TMEM248: variants seen among roughly 807,000 people sequenced by gnomAD.
The protein encoded by TMEM248 is transmembrane protein 248.
TMEM248 carries 9 observed loss-of-function variants against 30.3 expected under a neutral mutation model. The observed-to-expected ratio is 0.30, with a 90% CI of 0.18 to 0.52. The LOEUF is 0.52. TMEM248 is among the 20% of genes least tolerant of loss of function. The pLI is 0.97. For missense variants in TMEM248, 338 were observed against 403.3 expected (o/e 0.84, Z 1.39); for synonymous variants, 184 against 154.4 (o/e 1.19, Z -1.42).
chr7:66,943,852 C>G (rs1045177036), intron 2 of TMEM248, among the ~76,000 whole-genome samples: 3 of 150,994 alleles, frequency 2.0e-5, no homozygotes, highest in Non-Finnish European at 2.9e-5. Context: ...GGCTGGACTT[C>G]AGTGGCGCGA....
chr7:66,950,012 G>A (rs1792219809), intron 4 of TMEM248, among the ~76,000 whole-genome samples: 1 of 152,116 alleles, frequency 6.6e-6, no homozygotes, highest in African/African-American at 2.4e-5. Flanking sequence ...ACATTACTTT[G>A]TGTTGCAGTG....
At chr7:66,951,328 A>C in intron 5 of TMEM248, 193 bp downstream of exon 5, 1 of 462,494 alleles carries the variant, frequency 2.2e-6, no homozygotes, top group Non-Finnish European at 3.6e-6. Flanking sequence ...CCCATTGGTT[A>C]AGAAAAATCT....
intron 2 of TMEM248, among the ~76,000 whole-genome samples, 185 bp from the exon 3 acceptor site, chr7:66,944,791 T>C (rs1792048664): frequency 6.6e-6 from 1 of 152,176 alleles, no homozygotes; most frequent in African/African-American, 2.4e-5. Context: ...TAAAAGTGAT[T>C]AGGAAAGCCA....
chr7:66,926,672 G>A (rs934591516), intron 1 of TMEM248, among the ~76,000 whole-genome samples: 2 of 151,600 alleles, frequency 1.3e-5, no homozygotes, highest in African/African-American at 2.4e-5. Context: ...AAGAAAAATG[G>A]ACAAAGAACC....
At chr7:66,942,797 A>G (rs1246980944) in intron 2 of TMEM248, among the ~76,000 whole-genome samples, 3 of 150,864 alleles carry the variant, frequency 2.0e-5, no homozygotes, top group Admixed American at 6.6e-5. Flanking sequence ...CATCCAGCCT[A>G]ATTCCTGTCT....
At chr7:66,923,399 C>T (rs753280558) in intron 1 of TMEM248, among the ~76,000 whole-genome samples, 1 of 152,124 alleles carries the variant, frequency 6.6e-6, no homozygotes. Flanking sequence ...ACCTTGGCCT[C>T]CCAAAGTGCT....
intron 1 of TMEM248, chr7:66,921,967 T>G (rs1230552037): frequency 6.6e-6 from 1 of 152,216 alleles, no homozygotes; most frequent in Non-Finnish European, 1.5e-5. Flanking sequence ...TTTAATAAAA[T>G]GAGGAGTGAT....
At chr7:66,928,238 A>C (rs1002513461) in intron 1 of TMEM248, among the ~76,000 whole-genome samples, 3 of 152,234 alleles carry the variant, frequency 2.0e-5, no homozygotes, top group African/African-American at 7.2e-5. Flanking sequence ...AACTAAGTTA[A>C]ACATTTTAAA....
chr7:66,942,442 G>T (rs958874007), intron 2 of TMEM248, among the ~76,000 whole-genome samples: 5 of 152,290 alleles, frequency 3.3e-5, no homozygotes, highest in Admixed American at 3.3e-4. Flanking sequence ...TTTTTTTCAT[G>T]AGATAAGAAG....
intron 3 of TMEM248, among the ~76,000 whole-genome samples, 176 bp downstream of exon 3, chr7:66,945,437 T>C (rs1792074138): frequency 6.6e-6 from 1 of 152,212 alleles, no homozygotes; most frequent in African/African-American, 2.4e-5. Flanking sequence ...CATGGTAAAG[T>C]ACCTGGCTAG....
chr7:66,927,263 C>T (rs923840776), intron 1 of TMEM248, among the ~76,000 whole-genome samples: 7 of 151,898 alleles, frequency 4.6e-5, no homozygotes, highest in African/African-American at 7.3e-5. Flanking sequence ...CATTAACAAC[C>T]GTAAGTGAGG....
Position 66,921,305 on chromosome 7 carries a change from G to T in TMEM248, c.-175G>T, listed in dbSNP as rs946486592. 17 of 148,624 alleles carry T rather than the reference G, an allele frequency of 1.1e-4. No individual in the cohort carries two copies. Among genetic ancestry groups the T allele is most frequent in the Admixed American group, 8.7e-4 (13 of 14,896 alleles). 9.2% of individuals were successfully genotyped at this position (148,624 alleles called of 1,614,324 possible). On this transcript the variant is annotated 5_prime_UTR_variant, in exon 1 of 7. Coordinates refer to ENST00000341567, the MANE Select transcript of TMEM248 (RefSeq NM_017994.5). ...GGCGTCTGGTCTTCGCGTCGGCCCC[G>T]CGGAGCCAGACGCTGCCCCCGGCGC...
intron 1 of TMEM248, among the ~76,000 whole-genome samples, chr7:66,935,106 A>C (rs1791768358): frequency 6.6e-6 from 1 of 152,132 alleles, no homozygotes; most frequent in Non-Finnish European, 1.5e-5. Context: ...CAATAAATTG[A>C]ACTCTGATTT....
At chr7:66,925,213 G>A (rs1237531377) in intron 1 of TMEM248, among the ~76,000 whole-genome samples, 1 of 152,004 alleles carries the variant, frequency 6.6e-6, no homozygotes, top group South Asian at 2.1e-4. Flanking sequence ...TAGAGGCAAG[G>A]TCTCACTCTG....
chr7:66,929,523 G>T (rs921852215), intron 1 of TMEM248, among the ~76,000 whole-genome samples: 1 of 136,930 alleles, frequency 7.3e-6, no homozygotes, highest in Non-Finnish European at 1.5e-5. Flanking sequence ...TGCAACCTCC[G>T]CCTCCCGGGT....
chr7:66,940,524 C>T (rs571585270), intron 1 of TMEM248, among the ~76,000 whole-genome samples: 1 of 152,342 alleles, frequency 6.6e-6, no homozygotes, highest in African/African-American at 2.4e-5. Flanking sequence ...AAGCGATCCA[C>T]AGATTCAGTG....
At position 66,948,569 on chromosome 7, in the gene TMEM248, C is replaced by T. The variant is rs964902704; in HGVS notation, c.471C>T (p.Asn157=). 3.1e-6 allele frequency: 5 copies of T among 1,613,916 alleles called. No homozygotes were observed. The highest frequency in any genetic ancestry group is 8.5e-7 in the Non-Finnish European group (1 of 1,179,914). The change falls in exon 4 of 7, where the codon AAC becomes AAT. Residue 157 remains asparagine (N), a synonymous_variant. Coordinates refer to ENST00000341567, the MANE Select transcript of TMEM248 (RefSeq NM_017994.5). ...LSGREAHEEI[N]ITFTLPTAWS... ...GCAGGGAAGCCCACGAGGAGATAAA[C>T]ATCACCTTCACCCTGCCTACAGCGT...
At chr7:66,935,155 A>G (rs1791769743) in intron 1 of TMEM248, among the ~76,000 whole-genome samples, 1 of 152,024 alleles carries the variant, frequency 6.6e-6, no homozygotes, top group South Asian at 2.1e-4. Flanking sequence ...ATTAATCTTA[A>G]CCTAACTAGT....
At chr7:66,950,855 T>C (rs1037356374) in intron 4 of TMEM248, 97 bp from the exon 5 acceptor site, 4 of 957,614 alleles carry the variant, frequency 4.2e-6, no homozygotes, top group Non-Finnish European at 5.9e-6. Context: ...CCATGTGTGT[T>C]GCCGTGTTCA....
Sources: gnomAD v4.1 joint callset for allele counts (sites outside exome capture counted in the v4.1 genomes callset) on GRCh38, gnomAD v4.1.1 for gene constraint, MANE v1.5 for transcripts, NCBI Gene and HGNC (gene_info 2026-07-23, HGNC 2026-07-21) for gene names.